The following RYR2 variants were observed in gnomAD, a reference collection of about 807,000 sequenced individuals.
The protein encoded by RYR2 is ryanodine receptor 2.
In RYR2, 227 loss-of-function variants were observed where a neutral mutation model predicts 601.1. That is an observed-to-expected ratio of 0.38 (90% CI 0.34 to 0.42). RYR2 has a LOEUF of 0.42. Among genes scored for constraint, RYR2 ranks in the 10% least tolerant of loss-of-function variants. The pLI, the probability that RYR2 is intolerant of heterozygous loss-of-function variation, is 1.00. For synonymous variants in RYR2, 2,223 were observed against 2,175.1 expected (o/e 1.02, Z -0.61); for missense variants, 4,646 against 6,156.5 (o/e 0.75, Z 8.21).
chr1:237,409,745 C>T (rs185910947), intron 10 of RYR2, among the ~76,000 whole-genome samples: 163 of 152,182 alleles, frequency 1.1e-3, no homozygotes, highest in African/African-American at 3.6e-3. Context: ...CCCTGCATTG[C>T]AGTAACTAAA....
chr1:237,308,546 G>A (rs569205996), intron 2 of RYR2, among the ~76,000 whole-genome samples: 41 of 152,238 alleles, frequency 2.7e-4, no homozygotes, highest in African/African-American at 9.6e-4. Context: ...GGACCCTTGC[G>A]GTGAGTGTTA....
intron 66 of RYR2, among the ~76,000 whole-genome samples, chr1:237,703,905 A>G (rs1558252858): frequency 6.6e-6 from 1 of 152,080 alleles, no homozygotes; most frequent in Non-Finnish European, 1.5e-5. Flanking sequence ...GGATACAGAA[A>G]TAAACAAGAT....
intron 1 of RYR2, among the ~76,000 whole-genome samples, chr1:237,151,859 G>A (rs752970404): frequency 2.0e-4 from 30 of 152,056 alleles, no homozygotes; most frequent in African/African-American, 7.2e-4. Context: ...ATTTTACTTT[G>A]CTTTAAGTTC....
chr1:237,709,119 G>A (rs767486408), intron 69 of RYR2, 21 bp downstream of exon 69: 3 of 1,537,090 alleles, frequency 2.0e-6, no homozygotes, highest in Non-Finnish European at 2.6e-6. Flanking sequence ...AAGTAATTTA[G>A]TAATTTCTCC....
intron 62 of RYR2, among the ~76,000 whole-genome samples, chr1:237,687,115 G>A (rs1686462844): frequency 6.6e-6 from 1 of 151,944 alleles, no homozygotes; most frequent in African/African-American, 2.4e-5. Context: ...TTTCCTGGTG[G>A]TTTTTCAGTA....
chr1:237,511,237 C>A (rs75870187), intron 23 of RYR2, among the ~76,000 whole-genome samples: 1 of 147,058 alleles, frequency 6.8e-6, no homozygotes, highest in African/African-American at 2.5e-5. Flanking sequence ...TTCTAATTCA[C>A]GGAGACAGAC....
intron 6 of RYR2, among the ~76,000 whole-genome samples, chr1:237,371,746 A>G (rs1700659892): frequency 6.6e-6 from 1 of 152,186 alleles, no homozygotes; most frequent in Non-Finnish European, 1.5e-5. Flanking sequence ...TGTCCTTTGT[A>G]GGGACATGGA....
At chr1:237,244,703 TTCTC>T (rs1178746593) in intron 1 of RYR2, among the ~76,000 whole-genome samples, 2 of 152,132 alleles carry the variant, frequency 1.3e-5, no homozygotes, top group African/African-American at 4.8e-5. Context: ...TTCTCTTTCT[TTCTC>T]TTTCTTTTGC....
intron 75 of RYR2, 101 bp from the exon 76 acceptor site, chr1:237,726,986 G>C (rs899548348): frequency 1.4e-6 from 1 of 702,288 alleles, no homozygotes; most frequent in Admixed American, 2.1e-5. Flanking sequence ...AGGGGCAACT[G>C]TTTAATACTA....
At chr1:237,162,938 G>T (rs527891907) in intron 1 of RYR2, among the ~76,000 whole-genome samples, 3 of 152,000 alleles carry the variant, frequency 2.0e-5, no homozygotes, top group Non-Finnish European at 2.9e-5. Flanking sequence ...AGGGAAAGAG[G>T]CTTCATCTCT....
At chr1:237,382,513 T>C (rs111580986) in intron 8 of RYR2, among the ~76,000 whole-genome samples, 21,825 of 141,588 alleles carry the variant, frequency 0.15, 1,951 homozygotes, top group East Asian at 0.36. Flanking sequence ...TCTCCTAATG[T>C]TATCCCTCCC....
At chr1:237,670,858 A>C (rs1308222177) in intron 58 of RYR2, among the ~76,000 whole-genome samples, 1 of 152,230 alleles carries the variant, frequency 6.6e-6, no homozygotes, top group African/African-American at 2.4e-5. Context: ...CATCATGTAG[A>C]TACTCAAAAA....
chr1:237,226,922 C>T (rs1178733553), intron 1 of RYR2, among the ~76,000 whole-genome samples: 1 of 152,136 alleles, frequency 6.6e-6, no homozygotes, highest in Admixed American at 6.5e-5. Flanking sequence ...GTGTGCACCA[C>T]TACACCTGGC....
chr1:237,426,442 T>A (rs1382784872), intron 12 of RYR2, among the ~76,000 whole-genome samples: 1 of 152,178 alleles, frequency 6.6e-6, no homozygotes, highest in East Asian at 1.9e-4. Context: ...GGACATGGGC[T>A]TCTTTCTTAA....
At chr1:237,631,611 AGATTTT>A in intron 42 of RYR2, 70 bp downstream of exon 42, 1 of 292,578 alleles carries the variant, frequency 3.4e-6, no homozygotes, top group Non-Finnish European at 5.7e-6. Context: ...TATAGAATGC[AGATTTT>A]TTTTTTTTTT....
At chr1:237,463,104 TA>T (rs1462205426) in intron 16 of RYR2, among the ~76,000 whole-genome samples, 1 of 152,162 alleles carries the variant, frequency 6.6e-6, no homozygotes, top group Non-Finnish European at 1.5e-5. Context: ...TAATGGGTTT[TA>T]TTTTTTTCAG....
intron 27 of RYR2, among the ~76,000 whole-genome samples, chr1:237,551,204 A>C (rs1462750316): frequency 6.6e-6 from 1 of 152,230 alleles, no homozygotes; most frequent in East Asian, 1.9e-4. Flanking sequence ...GGTTCTGCAA[A>C]GAATACATTT....
chr1:237,417,023 G>T, intron 10 of RYR2, 26 bp from the exon 11 acceptor site: 1 of 1,603,434 alleles, frequency 6.2e-7, no homozygotes, highest in Non-Finnish European at 8.5e-7. Flanking sequence ...ACTCACATTT[G>T]GGCTTTTGTT....
At chr1:237,051,796 C>CTTCA (rs1661316303) in intron 1 of RYR2, among the ~76,000 whole-genome samples, 2 of 152,122 alleles carry the variant, frequency 1.3e-5, no homozygotes, top group Admixed American at 1.3e-4. Flanking sequence ...GGCAGTGGAG[C>CTTCA]GACAGTTTCA....
Sources: gnomAD v4.1 joint callset for allele counts (sites outside exome capture counted in the v4.1 genomes callset) on GRCh38, gnomAD v4.1.1 for gene constraint, MANE v1.5 for transcripts, NCBI Gene and HGNC (gene_info 2026-07-23, HGNC 2026-07-21) for gene names.